TMEM200A: variants seen among roughly 807,000 people sequenced by gnomAD.
The protein encoded by TMEM200A is two transmembrane C.
In TMEM200A, 12 loss-of-function variants were observed where a neutral mutation model predicts 24.3. The ratio of observed to expected loss-of-function variants is 0.49; its 90% CI spans 0.32 to 0.80. The LOEUF is 0.80. Ranked by LOEUF, TMEM200A falls within the 30% of genes least tolerant of loss-of-function variation. The pLI is 0.04. For synonymous variants in TMEM200A, 224 were observed against 224.4 expected (o/e 1.00, Z 0.02); for missense variants, 545 against 614.4 (o/e 0.89, Z 1.19).
At position 130,421,818 on chromosome 6, in the gene TMEM200A, CATA is replaced by C. The variant is rs562637302; in HGVS notation, c.-16-18586_-16-18584del. ...TTTTTGTCTGGCTTATTTCACTTAA[CATA>C]ATGTCTTCCAGATTGACTCATGTTG... On this transcript the variant is annotated intron_variant, in intron 2 of 2. Coordinates refer to ENST00000296978, the MANE Select transcript of TMEM200A (RefSeq NM_001258277.2). Among the ~76,000 whole-genome samples, 21 of 152,184 alleles carry C rather than the reference CATA, an allele frequency of 1.4e-4. No homozygotes were observed. In the East Asian group the frequency reaches 4.1e-3, roughly 29 times the overall value.
At chr6:130,425,447 T>C (rs1779709489) in intron 2 of TMEM200A, among the ~76,000 whole-genome samples, 1 of 152,030 alleles carries the variant, frequency 6.6e-6, no homozygotes, top group Non-Finnish European at 1.5e-5. Context: ...TTTCATTATC[T>C]TATTCAGATT....
intron 2 of TMEM200A, among the ~76,000 whole-genome samples, chr6:130,388,997 A>G (rs1278566679): frequency 2.0e-5 from 3 of 152,212 alleles, no homozygotes. Flanking sequence ...TATAGAAAAT[A>G]TAAAATACAT....
chr6:130,407,958 T>G (rs1418742831), intron 2 of TMEM200A, among the ~76,000 whole-genome samples: 2 of 152,206 alleles, frequency 1.3e-5, no homozygotes, highest in Admixed American at 1.3e-4. Context: ...TATGGTTATA[T>G]TTGTAGTAAA....
At chr6:130,378,365 C>A (rs1334133617) in intron 1 of TMEM200A, among the ~76,000 whole-genome samples, 1 of 150,434 alleles carries the variant, frequency 6.6e-6, no homozygotes, top group Non-Finnish European at 1.5e-5. Context: ...TATAGGCCTG[C>A]CTGATAGGGC....
At chr6:130,392,856 TG>T (rs1778866867) in intron 2 of TMEM200A, among the ~76,000 whole-genome samples, 1 of 152,226 alleles carries the variant, frequency 6.6e-6, no homozygotes, top group Non-Finnish European at 1.5e-5. Flanking sequence ...TTGTGTTTCT[TG>T]ATTTATTTCC....
At chr6:130,375,773 G>A (rs545734775) in intron 1 of TMEM200A, among the ~76,000 whole-genome samples, 11 of 152,268 alleles carry the variant, frequency 7.2e-5, no homozygotes, top group Admixed American at 5.2e-4. Flanking sequence ...TTTGGAGCAT[G>A]ATGTTTGAGG....
rs77810592 is a variant in TMEM200A at position 130,366,211 on chromosome 6, C to T, written c.-394C>T. ...GGCCCTCTGTGAGCACCGGCAGCGG[C>T]GCATCCCCTGCCCCGAGGCCTCCGG... On this transcript the variant is annotated 5_prime_UTR_variant, in exon 1 of 3. Coordinates refer to ENST00000296978, the MANE Select transcript of TMEM200A (RefSeq NM_001258277.2). This position sits in a 1 kb window ranked among gnomAD's most constrained non-coding sequence, Gnocchi z 4.4. The T allele has an allele frequency of 1.0e-6, 1 of 985,012 alleles. No individual in the cohort carries two copies. The highest frequency in any genetic ancestry group is 1.2e-6 in the Non-Finnish European group (1 of 829,874). The allele number at this position is 985,012 out of a possible 1,614,324, so 61.0% of individuals were successfully genotyped here.
chr6:130,420,500 TCTCTC>T (rs1779556681), intron 2 of TMEM200A, among the ~76,000 whole-genome samples: 1 of 152,098 alleles, frequency 6.6e-6, no homozygotes, highest in African/African-American at 2.4e-5. Context: ...GAGAGGAACA[TCTCTC>T]CACTCACATT....
At chr6:130,389,204 G>A (rs2115104538) in intron 2 of TMEM200A, among the ~76,000 whole-genome samples, 1 of 152,230 alleles carries the variant, frequency 6.6e-6, no homozygotes, top group Admixed American at 6.5e-5. Context: ...ATTTAGTATT[G>A]ATAAAAATAC....
intron 2 of TMEM200A, among the ~76,000 whole-genome samples, chr6:130,411,552 T>A (rs1260597551): frequency 2.0e-5 from 3 of 152,232 alleles, no homozygotes; most frequent in Non-Finnish European, 4.4e-5. Flanking sequence ...AGCAGAAGGA[T>A]CCAATCCAAA....
chr6:130,399,211 C>G (rs1230888614), intron 2 of TMEM200A, among the ~76,000 whole-genome samples: 1 of 151,852 alleles, frequency 6.6e-6, no homozygotes, highest in African/African-American at 2.4e-5. Flanking sequence ...TCAAGATTTT[C>G]TGTTTTTCTT....
chr6:130,374,869 T>C (rs1175100914), intron 1 of TMEM200A, among the ~76,000 whole-genome samples: 3 of 152,194 alleles, frequency 2.0e-5, no homozygotes, highest in Non-Finnish European at 4.4e-5. Context: ...CCTAGTTTTA[T>C]GGCAATGAAC....
chr6:130,397,972 T>A (rs1277384857), intron 2 of TMEM200A, among the ~76,000 whole-genome samples: 3 of 143,756 alleles, frequency 2.1e-5, no homozygotes, highest in Non-Finnish European at 4.6e-5. Flanking sequence ...TTCTTTTTTC[T>A]CTCTCAACTT....
At chr6:130,412,517 G>T (rs1779356184) in intron 2 of TMEM200A, among the ~76,000 whole-genome samples, 1 of 152,088 alleles carries the variant, frequency 6.6e-6, no homozygotes, top group East Asian at 1.9e-4. Context: ...CTTGGCTTGG[G>T]CTCTGAAACT....
intron 1 of TMEM200A, among the ~76,000 whole-genome samples, chr6:130,380,279 A>G (rs1279337528): frequency 1.3e-5 from 2 of 152,238 alleles, no homozygotes; most frequent in African/African-American, 4.8e-5. Context: ...GATGACTAAT[A>G]TAATCTTACT....
At chr6:130,377,444 T>C (rs1778485507) in intron 1 of TMEM200A, among the ~76,000 whole-genome samples, 1 of 152,216 alleles carries the variant, frequency 6.6e-6, no homozygotes, top group Non-Finnish European at 1.5e-5. Context: ...GAATCTCATC[T>C]GTTTATTTGG....
chr6:130,410,725 AT>A (rs1159995704), intron 2 of TMEM200A, among the ~76,000 whole-genome samples: 1 of 152,222 alleles, frequency 6.6e-6, no homozygotes, highest in East Asian at 1.9e-4. Flanking sequence ...TAATGAACTT[AT>A]GTTTTAATTC....
At chr6:130,431,697 G>C (rs954481925) in intron 2 of TMEM200A, among the ~76,000 whole-genome samples, 3 of 151,960 alleles carry the variant, frequency 2.0e-5, no homozygotes, top group Non-Finnish European at 2.9e-5. Context: ...GTATTCTACG[G>C]GCTTCTGGCT....
chr6:130,401,538 GTCT>G (rs1291669259), intron 2 of TMEM200A, among the ~76,000 whole-genome samples: 1 of 100,596 alleles, frequency 9.9e-6, no homozygotes, highest in African/African-American at 3.7e-5. Context: ...CTTTTCTTTT[GTCT>G]TTTTCACTGT....
Sources: allele counts gnomAD v4.1 joint callset (sites outside exome capture counted in the v4.1 genomes callset), GRCh38; gene constraint gnomAD v4.1.1; non-coding constraint Gnocchi (gnomAD v3.1); transcripts MANE v1.5; gene names NCBI Gene and HGNC (gene_info 2026-07-23, HGNC 2026-07-21).